Variants in ANGPT1 observed in about 807,000 individuals in gnomAD.
ANGPT1 encodes angiopoietin 1.
Under a neutral mutation model 62.2 loss-of-function variants are expected in ANGPT1, and 17 were observed. That is an observed-to-expected ratio of 0.27 (90% CI 0.19 to 0.41). The LOEUF (loss-of-function observed/expected upper bound fraction) is 0.41, where lower values mean the gene tolerates loss of function less well. ANGPT1 is among the 10% of genes least tolerant of loss of function. The pLI, the probability that ANGPT1 is intolerant of heterozygous loss-of-function variation, is 1.00. For synonymous variants in ANGPT1, 199 were observed against 198.9 expected (o/e 1.00, Z 0.00); for missense variants, 478 against 594.9 (o/e 0.80, Z 2.04).
At chr8:107,350,177 C>T (rs1815902566) in intron 1 of ANGPT1, among the ~76,000 whole-genome samples, 1 of 152,120 alleles carries the variant, frequency 6.6e-6, no homozygotes, top group Non-Finnish European at 1.5e-5. Context: ...TACCATGTTT[C>T]CTAAATGACA....
At chr8:107,470,890 G>A (rs112539125) in intron 1 of ANGPT1, among the ~76,000 whole-genome samples, 5,718 of 152,134 alleles carry the variant, frequency 0.038, 384 homozygotes, top group African/African-American at 0.13. Flanking sequence ...AAAAAGTCAG[G>A]AAACAACAGA....
At chr8:107,255,936 C>T (rs1412735212) in intron 8 of ANGPT1, among the ~76,000 whole-genome samples, 1 of 152,068 alleles carries the variant, frequency 6.6e-6, no homozygotes, top group Non-Finnish European at 1.5e-5. Flanking sequence ...TTCTTATTTG[C>T]TTAGTGGGGT....
At chr8:107,343,068 C>T (rs2168410) in intron 2 of ANGPT1, among the ~76,000 whole-genome samples, 18,804 of 148,716 alleles carry the variant, frequency 0.13, 1,475 homozygotes, top group East Asian at 0.33. Context: ...CTCCTGGGCT[C>T]AAGTCATTTT....
chr8:107,272,001 A>T (rs1813747601), intron 7 of ANGPT1, among the ~76,000 whole-genome samples: 1 of 151,822 alleles, frequency 6.6e-6, no homozygotes, highest in Non-Finnish European at 1.5e-5. Context: ...TTTTCTCATT[A>T]AACCTTCCAC....
At chr8:107,374,821 T>C (rs575616509) in intron 1 of ANGPT1, among the ~76,000 whole-genome samples, 2 of 152,260 alleles carry the variant, frequency 1.3e-5, no homozygotes, top group African/African-American at 2.4e-5. Context: ...AAAATTCTGG[T>C]GGAAATCTGG....
chr8:107,371,377 T>TC (rs1816407693), intron 1 of ANGPT1, among the ~76,000 whole-genome samples: 1 of 152,122 alleles, frequency 6.6e-6, no homozygotes, highest in Non-Finnish European at 1.5e-5. Context: ...ACTCTTGTTC[T>TC]CCCCAGTCCT....
chr8:107,284,807 C>T lies in ANGPT1; in HGVS notation c.1080G>A (p.Glu360=). The T allele has an allele frequency of 1.2e-6, 2 of 1,607,958 alleles. No homozygotes were observed. The highest frequency in any genetic ancestry group is 8.5e-7 in the Non-Finnish European group (1 of 1,176,078). Residue 360 remains glutamate, a synonymous_variant, in exon 7 of 9, where the codon GAG becomes GAA. Transcript: ENST00000517746. ...TCTGACTGGTAATGGCAAAAATAAA[C>T]TCATTCCCCAGCCAATATTCACCGG... The part of the protein sequence containing the change: ...NPSGEYWLGN[E]FIFAITSQRQ...
intron 1 of ANGPT1, among the ~76,000 whole-genome samples, chr8:107,373,271 AT>A (rs767146621): frequency 2.0e-3 from 112 of 57,270 alleles, no homozygotes; most frequent in South Asian, 7.4e-3. Flanking sequence ...TACAAAATAG[AT>A]TTTTTTTTTT....
chr8:107,277,773 C>G (rs1813899833), intron 7 of ANGPT1, among the ~76,000 whole-genome samples: 1 of 151,750 alleles, frequency 6.6e-6, no homozygotes, highest in African/African-American at 2.4e-5. Flanking sequence ...TCAGATAAGC[C>G]CAGAAAGAGC....
intron 4 of ANGPT1, among the ~76,000 whole-genome samples, chr8:107,312,982 G>A (rs754651499): frequency 4.6e-5 from 7 of 152,098 alleles, no homozygotes; most frequent in Non-Finnish European, 8.8e-5. Flanking sequence ...TTAGGTTTGT[G>A]CGTGTCTGTG....
intron 1 of ANGPT1, among the ~76,000 whole-genome samples, chr8:107,445,620 C>G (rs1586328559): frequency 6.6e-6 from 1 of 152,056 alleles, no homozygotes; most frequent in East Asian, 1.9e-4. Context: ...CCAAGAACTT[C>G]CAATTAACTT....
At chr8:107,377,688 C>A (rs1816556067) in intron 1 of ANGPT1, among the ~76,000 whole-genome samples, 1 of 152,114 alleles carries the variant, frequency 6.6e-6, no homozygotes, top group Non-Finnish European at 1.5e-5. Context: ...TCACCTATTT[C>A]CAGAAAAGGA....
At chr8:107,447,624 C>A (rs1280827504) in intron 1 of ANGPT1, among the ~76,000 whole-genome samples, 4 of 152,174 alleles carry the variant, frequency 2.6e-5, no homozygotes, top group Admixed American at 6.5e-5. Flanking sequence ...ATTCTCACAG[C>A]CCACTTAAAA....
At chr8:107,380,383 G>GTC (rs1462094147) in intron 1 of ANGPT1, among the ~76,000 whole-genome samples, 41 of 143,914 alleles carry the variant, frequency 2.8e-4, no homozygotes, top group African/African-American at 9.9e-4. Flanking sequence ...GTGTGTGTGT[G>GTC]TGTGTCCTGC....
intron 5 of ANGPT1, among the ~76,000 whole-genome samples, chr8:107,297,623 A>C (rs1814447952): frequency 6.7e-6 from 1 of 149,492 alleles, no homozygotes; most frequent in African/African-American, 2.4e-5. Context: ...ATAATAGAAA[A>C]TATACAAAAC....
At chr8:107,329,505 G>C (rs1335991086) in intron 3 of ANGPT1, among the ~76,000 whole-genome samples, 3 of 152,098 alleles carry the variant, frequency 2.0e-5, no homozygotes, top group African/African-American at 7.2e-5. Context: ...GTAACATTGA[G>C]TGCCATGCAA....
rs116736926 is a variant in ANGPT1, at chr8:107,484,325, G to A, written c.297+12937C>T. On this transcript the variant is annotated intron_variant, in intron 1 of 8. Coordinates refer to ENST00000517746, the MANE Select transcript of ANGPT1 (RefSeq NM_001146.5). Reference sequence around the variant, plus strand: ...AAGTGGGTTTGATAATACCTGCTATGTATTAAAATATTTGTTTGGGTGATG... The same window carrying A: ...AAGTGGGTTTGATAATACCTGCTATATATTAAAATATTTGTTTGGGTGATG... Among the ~76,000 whole-genome samples the A allele has an allele frequency of 8.9e-3, 1,360 of 152,276 alleles. 13 individuals carry two copies. The highest frequency in any genetic ancestry group is 0.031 in the African/African-American group (1,298 of 41,566).
chr8:107,310,623 G>A (rs1426477430), intron 4 of ANGPT1, among the ~76,000 whole-genome samples: 1 of 152,122 alleles, frequency 6.6e-6, no homozygotes, highest in African/African-American at 2.4e-5. Flanking sequence ...ATAGCAGAGA[G>A]CCACAGGCAG....
chr8:107,439,114 T>C (rs1811406940), intron 1 of ANGPT1, among the ~76,000 whole-genome samples: 3 of 152,200 alleles, frequency 2.0e-5, no homozygotes, highest in African/African-American at 4.8e-5. Context: ...TTTAGATACA[T>C]ATTAGTCACT....
Sources: gnomAD v4.1 joint callset for allele counts (sites outside exome capture counted in the v4.1 genomes callset) on GRCh38, gnomAD v4.1.1 for gene constraint, MANE v1.5 for transcripts, NCBI Gene and HGNC (gene_info 2026-07-23, HGNC 2026-07-21) for gene names.